TMEM156: variants seen among roughly 807,000 people sequenced by gnomAD.
The protein encoded by TMEM156 is transmembrane protein 156.
In TMEM156, 28 loss-of-function variants were observed where a neutral mutation model predicts 30.5. The observed-to-expected ratio is 0.92, with a 90% CI of 0.68 to 1.26. The LOEUF (loss-of-function observed/expected upper bound fraction) is 1.26, where lower values mean the gene tolerates loss of function less well. TMEM156 is among the 50% of genes most tolerant of loss of function. The pLI is 0.00. For missense variants in TMEM156, 351 were observed against 340.6 expected (o/e 1.03, Z -0.24); for synonymous variants, 137 against 119.9 (o/e 1.14, Z -0.93).
chr4:38,982,131 C>T (rs1314837798), intron 5 of TMEM156, among the ~76,000 whole-genome samples: 1 of 152,152 alleles, frequency 6.6e-6, no homozygotes. Context: ...TAAAAGCAGG[C>T]AGAAGAACCT....
intron 1 of TMEM156, among the ~76,000 whole-genome samples, chr4:39,020,105 T>C (rs1012928240): frequency 5.3e-5 from 8 of 152,226 alleles, no homozygotes; most frequent in African/African-American, 1.9e-4. Flanking sequence ...ATCCCCCAGA[T>C]TCATTCATAC....
intron 1 of TMEM156, among the ~76,000 whole-genome samples, chr4:39,011,667 G>A (rs748103589): frequency 9.2e-5 from 14 of 152,108 alleles, no homozygotes; most frequent in Non-Finnish European, 1.3e-4. Flanking sequence ...CCAGCTACCC[G>A]GGAGGCTGAG....
chr4:38,972,903 T>G (rs1255674741), intron 5 of TMEM156, among the ~76,000 whole-genome samples: 6 of 152,222 alleles, frequency 3.9e-5, no homozygotes, highest in Non-Finnish European at 8.8e-5. Context: ...TGTGATAGTT[T>G]TTTTGCTGTG....
intron 1 of TMEM156, among the ~76,000 whole-genome samples, chr4:39,019,700 T>C (rs7691098): frequency 0.42 from 63,247 of 151,936 alleles, 13,205 homozygotes; most frequent in Admixed American, 0.51. Context: ...AAATTATATA[T>C]ATATTTATGG....
chr4:39,015,516 A>G (rs1262959619), intron 1 of TMEM156, among the ~76,000 whole-genome samples: 2 of 152,238 alleles, frequency 1.3e-5, no homozygotes, highest in African/African-American at 4.8e-5. Context: ...CAGCCAGAAA[A>G]TGGATTCTAG....
At chr4:38,993,249 A>G (rs763391994) in intron 3 of TMEM156, among the ~76,000 whole-genome samples, 51 of 151,842 alleles carry the variant, frequency 3.4e-4, no homozygotes, top group Middle Eastern at 3.4e-3. Flanking sequence ...GGGCAACATG[A>G]CAAGACCCCG....
chr4:38,974,081 G>GTA (rs1722734662), intron 5 of TMEM156, among the ~76,000 whole-genome samples: 1 of 149,412 alleles, frequency 6.7e-6, no homozygotes, highest in South Asian at 2.1e-4. Flanking sequence ...GTGTGTGTGT[G>GTA]TGTATGTGTG....
At chr4:39,021,355 A>T (rs922029526) in intron 1 of TMEM156, among the ~76,000 whole-genome samples, 5 of 151,490 alleles carry the variant, frequency 3.3e-5, no homozygotes, top group African/African-American at 1.2e-4. Context: ...AGTGAGCCAT[A>T]CTACATTCCA....
chr4:38,976,890 T>TTTGTTG (rs61299459), intron 5 of TMEM156, among the ~76,000 whole-genome samples: 200 of 151,308 alleles, frequency 1.3e-3, no homozygotes, highest in East Asian at 2.9e-3. Context: ...ACATTGTTCT[T>TTTGTTG]TTGTTGTTGT....
chr4:38,996,579 A>G (rs1278258773), intron 2 of TMEM156, among the ~76,000 whole-genome samples: 1 of 152,258 alleles, frequency 6.6e-6, no homozygotes, highest in African/African-American at 2.4e-5. Flanking sequence ...CTCAAAAAGA[A>G]AAGAAAAGAA....
At chr4:39,025,345 CAAAAAAAAAAA>C (rs59380844) in intron 1 of TMEM156, among the ~76,000 whole-genome samples, 4 of 65,782 alleles carry the variant, frequency 6.1e-5, no homozygotes, top group African/African-American at 2.7e-4. Flanking sequence ...AAGACTGTCT[CAAAAAAAAAAA>C]AAAAAAAAAA....
chr4:39,007,408 C>T (rs1405487788), intron 1 of TMEM156, among the ~76,000 whole-genome samples: 2 of 141,208 alleles, frequency 1.4e-5, no homozygotes, highest in Admixed American at 1.4e-4. Context: ...TTCATTTCTT[C>T]CTTTCTTTTT....
At chr4:38,977,340 A>G (rs942584762) in intron 5 of TMEM156, among the ~76,000 whole-genome samples, 3 of 152,242 alleles carry the variant, frequency 2.0e-5, no homozygotes, top group Admixed American at 6.5e-5. Context: ...TGGTGTTTAT[A>G]GCATAAAATA....
chr4:38,998,267 A>G (rs73236695), intron 2 of TMEM156, among the ~76,000 whole-genome samples: 36,212 of 152,118 alleles, frequency 0.24, 4,740 homozygotes, highest in East Asian at 0.46. Context: ...TATATTGGCC[A>G]GGCGCTGTGG....
At chr4:39,025,097 C>G (rs1715113498) in intron 1 of TMEM156, among the ~76,000 whole-genome samples, 1 of 151,870 alleles carries the variant, frequency 6.6e-6, no homozygotes, top group Middle Eastern at 3.2e-3. Context: ...GCCTGTAATC[C>G]CAGCACTTTG....
chr4:39,025,218 G>A (rs183721212), intron 1 of TMEM156, among the ~76,000 whole-genome samples: 1 of 151,646 alleles, frequency 6.6e-6, no homozygotes, highest in East Asian at 1.9e-4. Flanking sequence ...GCGTGGTGGG[G>A]GCGCCTGTAA....
intron 1 of TMEM156, among the ~76,000 whole-genome samples, chr4:39,014,677 G>A (rs1045866994): frequency 1.3e-5 from 2 of 149,890 alleles, no homozygotes; most frequent in African/African-American, 4.9e-5. Flanking sequence ...AGACTCTCTT[G>A]AACCCAGGAG....
intron 1 of TMEM156, among the ~76,000 whole-genome samples, chr4:39,023,220 C>G (rs1190034405): frequency 6.6e-6 from 1 of 152,190 alleles, no homozygotes; most frequent in African/African-American, 2.4e-5. Flanking sequence ...GCATACTGGT[C>G]TTGGATTTCC....
chr4:39,021,128 T>C (rs1309772029), intron 1 of TMEM156, among the ~76,000 whole-genome samples: 1 of 152,210 alleles, frequency 6.6e-6, no homozygotes, highest in African/African-American at 2.4e-5. Context: ...GTCAGCCTGA[T>C]GCAGTGGTTG....
Sources: allele counts gnomAD v4.1 joint callset (sites outside exome capture counted in the v4.1 genomes callset), GRCh38; gene constraint gnomAD v4.1.1; transcripts MANE v1.5; gene names NCBI Gene and HGNC (gene_info 2026-07-23, HGNC 2026-07-21).